ACIN1: variants seen among roughly 807,000 people sequenced by gnomAD.
ACIN1 encodes apoptotic chromatin condensation inducer in the nucleus.
In ACIN1, 16 loss-of-function variants were observed where a neutral mutation model predicts 146.6. The observed-to-expected ratio is 0.11, with a 90% confidence interval of 0.07 to 0.17. The LOEUF is 0.17. Among genes scored for constraint, ACIN1 ranks in the 10% least tolerant of loss-of-function variants. The probability of loss-of-function intolerance (pLI) is 1.00; values close to 1 mark genes in which losing one functional copy is unlikely to be tolerated. For synonymous variants in ACIN1, 569 were observed against 582.7 expected, an observed-to-expected ratio of 0.98 and a Z score of 0.34; for missense variants, 1,357 against 1,609.3, an observed-to-expected ratio of 0.84 and a Z score of 2.68.
At position 23,090,566 on chromosome 14, in the gene ACIN1, C is replaced by G; in HGVS notation, c.272G>C (p.Arg91Thr). The G allele has an allele frequency of 1.2e-6, 2 of 1,614,064 alleles. No homozygotes were observed. Among genetic ancestry groups the G allele is most frequent in the Non-Finnish European group, 1.7e-6 (2 of 1,179,960 alleles). Reference sequence around the variant, plus strand: ...TCGAGCTTCACGTTCCAGACGCTGCCTAAGTAGCTCCTGCTGCTTTTCCAG... The same window carrying G: ...TCGAGCTTCACGTTCCAGACGCTGCGTAAGTAGCTCCTGCTGCTTTTCCAG... ...QYLEKQQELLRQRLEREAREA... is the reference protein window; with the variant it reads ...QYLEKQQELLTQRLEREAREA... Residue 91 changes from arginine (R) to threonine (T), a missense_variant, in exon 3 of 19, where the codon AGG becomes ACG. Physicochemically the swap from Arg to Thr is moderately conservative, Grantham distance 71. This residue lies in a region of ACIN1 where 55 missense variants were observed against 123.9 expected (regional missense o/e 0.44). Coordinates refer to ENST00000605057, the MANE Select transcript of ACIN1 (RefSeq NM_001386863.1).
intron 18 of ACIN1, among the ~76,000 whole-genome samples, chr14:23,060,258 C>CA (rs2047234832): frequency 6.6e-6 from 1 of 151,986 alleles, no homozygotes; most frequent in South Asian, 2.1e-4. Flanking sequence ...CATGAGCCAC[C>CA]ATGCCTAGCC....
chr14:23,086,063 A>G (rs1048665409), intron 4 of ACIN1, among the ~76,000 whole-genome samples: 11 of 152,250 alleles, frequency 7.2e-5, no homozygotes, highest in Middle Eastern at 3.2e-3. Context: ...AAAGTAAGGA[A>G]GCCAGAGATC....
rs1051021263 is a variant in ACIN1 at position 23,068,193 on chromosome 14, G to A, written c.2265+1283C>T. On this transcript the variant is annotated intron_variant, in intron 9 of 18. Transcript: ENST00000605057. The surrounding 1 kb of genome is among the most constrained non-coding windows in gnomAD (Gnocchi z 4.3). The stretch of plus-strand genomic sequence containing the variant: ...ACGGTTCCTAGTCGTCACAGCTTAA[G>A]TAGAGGGTCCCACTCAGTGTTTTAC... 3 of 985,812 alleles carry A rather than the reference G, an allele frequency of 3.0e-6. No homozygotes were observed. In the Admixed American group the frequency reaches 1.8e-4, roughly 61 times the overall value. The allele number at this position is 985,812 out of a possible 1,614,324, so 61.1% of individuals were successfully genotyped here.
At chr14:23,081,707 C>A in intron 5 of ACIN1, 41 bp downstream of exon 5, 1 of 1,483,660 alleles carries the variant, frequency 6.7e-7, no homozygotes, top group Non-Finnish European at 9.2e-7. Context: ...ATATCCAAAG[C>A]ATTACTGAAG....
At chr14:23,064,543 C>G (rs1045897783) in intron 10 of ACIN1, 55 bp from the exon 11 acceptor site, 4 of 1,598,514 alleles carry the variant, frequency 2.5e-6, no homozygotes, top group African/African-American at 1.3e-5. Flanking sequence ...TCTGCTAGTT[C>G]AAACCGTAAT....
chr14:23,086,948 A>C (rs950653483), intron 4 of ACIN1, among the ~76,000 whole-genome samples: 1 of 152,214 alleles, frequency 6.6e-6, no homozygotes, highest in African/African-American at 2.4e-5. Context: ...TAAAAAATGT[A>C]GAGCCCCAGG....
rs2047495644 is a variant in ACIN1, at chr14:23,067,505, G to A, written c.2266-1497C>T. On this transcript the variant is annotated intron_variant, in intron 9 of 18. Coordinates refer to ENST00000605057, the MANE Select transcript of ACIN1 (RefSeq NM_001386863.1). The surrounding 1 kb of genome is among the most constrained non-coding windows in gnomAD (Gnocchi z 4.6). ...GTCCTCCCAGGGGCGCAGGGGGGGC[G>A]GGAGGGAAACGTGTGGGGGGACGCT... 3.1e-6 allele frequency: 3 copies of A among 975,230 alleles called. No individual in the cohort carries two copies. Among genetic ancestry groups the A allele is most frequent in the Non-Finnish European group, 3.7e-6 (3 of 820,830 alleles). The allele number at this position is 975,230 out of a possible 1,614,324, so 60.4% of individuals were successfully genotyped here.
chr14:23,067,039 C>T lies in ACIN1; in HGVS notation c.2266-1031G>A, dbSNP rs550028974. On this transcript the variant is annotated intron_variant, in intron 9 of 18. Transcript: ENST00000605057. The surrounding 1 kb of genome is among the most constrained non-coding windows in gnomAD (Gnocchi z 4.6). Reference sequence around the variant, plus strand: ...TCCCATCCACCCCCACCCGCAGCCCCGTTTGTGTCGTCTAACCAAGTCTCC... The same window carrying T: ...TCCCATCCACCCCCACCCGCAGCCCTGTTTGTGTCGTCTAACCAAGTCTCC... 6.6e-6 allele frequency among the ~76,000 whole-genome samples: 1 copy of T among 152,142 alleles called. No individual in the cohort carries two copies. Among genetic ancestry groups the T allele is most frequent in the South Asian group, 2.1e-4 (1 of 4,798 alleles).
Position 23,059,185 on chromosome 14 carries a change from C to G in ACIN1, c.3815G>C (p.Arg1272Pro). 6.2e-7 allele frequency: 1 copy of G among 1,613,958 alleles called. No homozygotes were observed. Among genetic ancestry groups the G allele is most frequent in the Non-Finnish European group, 8.5e-7 (1 of 1,179,976 alleles). The change falls in exon 19 of 19, where the codon CGG (arginine) becomes CCG (proline). Residue 1272 changes from arginine to proline, a missense_variant. Transcript: ENST00000605057. ...DTKRHSRSRSRSTPVRDRGGR... is the reference protein window; with the variant it reads ...DTKRHSRSRSPSTPVRDRGGR... ...ACCCCGGTCCCGCACAGGTGTGCTC[C>G]GACTCCGGCTTCTGCTGTGGCGCTT...
chr14:23,086,020 G>A (rs1447220091), intron 4 of ACIN1, among the ~76,000 whole-genome samples: 1 of 152,232 alleles, frequency 6.6e-6, no homozygotes, highest in East Asian at 1.9e-4. Context: ...CTTCATCCTA[G>A]AAAACAAATT....
rs761354491 is a variant in ACIN1 at position 23,069,456 on chromosome 14, T to A, written c.2265+20A>T. 1.2e-6 allele frequency: 2 copies of A among 1,611,274 alleles called. No individual in the cohort carries two copies. The highest frequency in any genetic ancestry group is 1.7e-6 in the Non-Finnish European group (2 of 1,178,454). ...GTCCATTCCTGCCCACCCGCCCCAATAGGTGGCTTGGATGTTTACCTCTTT... is the reference window on the plus strand; with the variant it reads ...GTCCATTCCTGCCCACCCGCCCCAAAAGGTGGCTTGGATGTTTACCTCTTT... On this transcript the variant is annotated intron_variant, in intron 9 of 18. Coordinates refer to ENST00000605057, the MANE Select transcript of ACIN1 (RefSeq NM_001386863.1).
At chr14:23,064,528 G>A in intron 10 of ACIN1, 40 bp from the exon 11 acceptor site, 1 of 1,609,210 alleles carries the variant, frequency 6.2e-7, no homozygotes, top group South Asian at 1.1e-5. Context: ...GATGGTCTCA[G>A]GACCTCTGCT....
At chr14:23,069,638 T>TGGTGGGG in intron 8 of ACIN1, 21 bp from the exon 9 acceptor site, 2 of 326,670 alleles carry the variant, frequency 6.1e-6, no homozygotes, top group African/African-American at 4.5e-5. Context: ...GGGGGAGTGG[T>TGGTGGGG]GGTGGGGGGG....
In ACIN1 at chr14:23,064,097, A is replaced by G. The variant is rs2047377749; in HGVS notation, c.2595+8T>C. On this transcript the variant is annotated splice_region_variant and intron_variant, in intron 12 of 18. Coordinates refer to ENST00000605057, the MANE Select transcript of ACIN1 (RefSeq NM_001386863.1). ...CTTTCCCCTGACACTGGGGTGCAGAAGCCTTACCTGAGTGACTGTCCGGCA... is the reference window on the plus strand; with the variant it reads ...CTTTCCCCTGACACTGGGGTGCAGAGGCCTTACCTGAGTGACTGTCCGGCA... 1 of 1,613,910 alleles carries G rather than the reference A, an allele frequency of 6.2e-7. No homozygotes were observed. The highest frequency in any genetic ancestry group is 1.1e-5 in the South Asian group (1 of 91,076).
At chr14:23,087,455 T>TA (rs1247083066) in intron 4 of ACIN1, among the ~76,000 whole-genome samples, 1 of 132,968 alleles carries the variant, frequency 7.5e-6, no homozygotes, top group Admixed American at 7.4e-5. Flanking sequence ...TTTTTTTTTT[T>TA]AACGTCTGGG....
intron 7 of ACIN1, 99 bp downstream of exon 7, chr14:23,078,721 C>T: frequency 2.3e-6 from 3 of 1,284,924 alleles, no homozygotes; most frequent in Non-Finnish European, 3.2e-6. Flanking sequence ...TTCTACTGAA[C>T]CTTGTCCAGA....
rs1420963936 is a variant in ACIN1, at chr14:23,059,029, A to T, written c.*119T>A. ...CCACTTTTCCATTTGGTATGTATGTAGGGATAGGTGATGTGAAAGACCCTT... is the reference window on the plus strand; with the variant it reads ...CCACTTTTCCATTTGGTATGTATGTTGGGATAGGTGATGTGAAAGACCCTT... On this transcript the variant is annotated 3_prime_UTR_variant, in exon 19 of 19. Coordinates refer to ENST00000605057, the MANE Select transcript of ACIN1 (RefSeq NM_001386863.1). The T allele has an allele frequency of 3.3e-6, 3 of 911,048 alleles. No individual in the cohort carries two copies. The highest frequency in any genetic ancestry group is 1.7e-5 in the African/African-American group (1 of 60,264). 56.4% of individuals were successfully genotyped at this position (911,048 alleles called of 1,614,324 possible).
chr14:23,076,923 C>G (rs1238392135), intron 8 of ACIN1, among the ~76,000 whole-genome samples: 4 of 152,084 alleles, frequency 2.6e-5, no homozygotes, highest in Non-Finnish European at 5.9e-5. Flanking sequence ...GAAGAAAAAC[C>G]CTTTTCCAAA....
In ACIN1 at chr14:23,079,596, C is replaced by G. The variant is rs777801999; in HGVS notation, c.1739G>C (p.Arg580Thr). 4 of 1,614,206 alleles carry G rather than the reference C, an allele frequency of 2.5e-6. No homozygotes were observed. The highest frequency in any genetic ancestry group is 1.3e-5 in the African/African-American group (1 of 75,064). ...KMGSRSTSES[R>T]SRSRSRSRSA... is the part of the protein sequence containing the mutation. The stretch of plus-strand genomic sequence containing the variant: ...ACGAGAACGTGAACGTGACCTTGAT[C>G]TGGACTCTGATGTTGATCTGGAGCC... Residue 580 changes from arginine (R) to threonine (T), a missense_variant, in exon 6 of 19, where the codon AGA becomes ACA. Coordinates refer to ENST00000605057, the MANE Select transcript of ACIN1 (RefSeq NM_001386863.1).
Sources: allele counts gnomAD v4.1 joint callset (sites outside exome capture counted in the v4.1 genomes callset), GRCh38; gene constraint gnomAD v4.1.1; regional missense constraint gnomAD v4.1.1; non-coding constraint Gnocchi (gnomAD v3.1); transcripts MANE v1.5; gene names NCBI Gene and HGNC (gene_info 2026-07-23, HGNC 2026-07-21).